The following LTBR variants were observed in gnomAD, a reference collection of about 807,000 sequenced individuals.
The protein encoded by LTBR is tumor necrosis factor receptor superfamily member 3.
In LTBR, 15 loss-of-function variants were observed where a neutral mutation model predicts 45.4. The ratio of observed to expected loss-of-function variants is 0.33; its 90% CI spans 0.22 to 0.51. LTBR has a LOEUF of 0.51. Ranked by LOEUF, LTBR falls within the 20% of genes least tolerant of loss-of-function variation. The pLI, the probability that LTBR is intolerant of heterozygous loss-of-function variation, is 0.97. For synonymous variants in LTBR, 228 were observed against 231.0 expected, an observed-to-expected ratio of 0.99 and a Z score of 0.12; for missense variants, 450 against 565.5, an observed-to-expected ratio of 0.80 and a Z score of 2.07.
At position 6,386,399 on chromosome 12, in the gene LTBR, A is replaced by G; in HGVS notation, c.622A>G (p.Thr208Ala). 6.2e-7 allele frequency: 1 copy of G among 1,613,914 alleles called. No homozygotes were observed. Among genetic ancestry groups the G allele is most frequent in the Non-Finnish European group, 8.5e-7 (1 of 1,179,968 alleles). Residue 208 changes from threonine to alanine, a missense_variant, in exon 6 of 10, where the codon ACA (threonine) becomes GCA (alanine). Thr to Ala is a moderately conservative substitution (Grantham distance 58). This residue lies in a region of LTBR where 367 missense variants were observed against 435.4 expected (regional missense o/e 0.84). Transcript: ENST00000228918. The surrounding 1 kb of genome is among the most constrained non-coding windows in gnomAD (Gnocchi z 4.1). ...EAAPGTAQSD[T>A]TCKNPLEPLP... ...AGCTCCAGGCACTGCCCAGTCCGAC[A>G]CAACCTGCAAAAATCCATTAGAGCC...
At chr12:6,390,054 A>T in intron 8 of LTBR, 58 bp from the exon 9 acceptor site, 1 of 1,029,404 alleles carries the variant, frequency 9.7e-7, no homozygotes, top group Non-Finnish European at 1.5e-6. Context: ...AGGGAGGGAG[A>T]GAGAAAAAAG....
chr12:6,389,194 A>G (rs1949082626), intron 8 of LTBR: 1 of 199,240 alleles, frequency 5.0e-6, no homozygotes, highest in African/African-American at 2.3e-5. Context: ...TTGAGCGGAG[A>G]GCTGAAGAAG....
At chr12:6,383,634 G>C (rs1490343695), upstream of LTBR, among the ~76,000 whole-genome samples, 1 of 152,156 alleles carries the variant, frequency 6.6e-6, no homozygotes, top group Non-Finnish European at 1.5e-5. Context: ...ACTCCTGTGC[G>C]GATTGGGCTG....
In LTBR at chr12:6,386,458, G is replaced by A. The variant is rs1481464753; in HGVS notation, c.667+14G>A. ...CAGAGATGTCAGGTGAGGGACCAGG[G>A]CTGAGGGACACGGGGGGGGCGCCTC... On this transcript the variant is annotated intron_variant, in intron 6 of 9. Transcript: ENST00000228918. This position sits in a 1 kb window ranked among gnomAD's most constrained non-coding sequence, Gnocchi z 4.1. The A allele has an allele frequency of 6.5e-7, 1 of 1,542,096 alleles. No homozygotes were observed. Among genetic ancestry groups the A allele is most frequent in the Non-Finnish European group, 8.7e-7 (1 of 1,149,728 alleles).
Position 6,390,710 on chromosome 12 carries a change from A to G in LTBR, c.1081A>G (p.Ile361Val), listed in dbSNP as rs1209840478. Residue 361 changes from isoleucine (I) to valine (V), a missense_variant, in exon 10 of 10, where the codon ATC (isoleucine) becomes GTC (valine). This residue lies in a region of LTBR where 12 missense variants were observed against 39.7 expected (regional missense o/e 0.30). Transcript: ENST00000228918. ...TGGSMTITGN[I>V]YIYNGPVLGG... ...CGGGTCTATGACTATCACTGGCAAC[A>G]TCTACATCTACAATGGACCAGTACT... is the stretch of plus-strand genomic sequence containing the variant. 1 of 1,500,110 alleles carries G rather than the reference A, an allele frequency of 6.7e-7. No individual in the cohort carries two copies. The highest frequency in any genetic ancestry group is 8.9e-7 in the Non-Finnish European group (1 of 1,124,864). 92.9% of individuals were successfully genotyped at this position (1,500,110 alleles called of 1,614,324 possible). A position where few individuals can be genotyped will look rare whatever the true frequency, so the allele number is the denominator to read the frequency against.
rs1949078111 is a variant in LTBR at position 6,388,811 on chromosome 12, A to G, written c.787A>G (p.Lys263Glu). The change falls in exon 8 of 10, where the codon AAG (lysine) becomes GAG (glutamate). Residue 263 changes from lysine to glutamate, a missense_variant. By Grantham distance (56) the Lys-to-Glu change is moderately conservative. Transcript: ENST00000228918. This position sits in a 1 kb window ranked among gnomAD's most constrained non-coding sequence, Gnocchi z 4.3. Reference protein sequence around the residue: ...SLCRKLGSLLKRRPQGEGPNP... With the variant: ...SLCRKLGSLLERRPQGEGPNP... Reference sequence around the variant, plus strand: ...ATTCTCCATTGCAGGATCGCTGCTCAAGAGGCGTCCGCAGGTAATGGCGGG... The same window carrying G: ...ATTCTCCATTGCAGGATCGCTGCTCGAGAGGCGTCCGCAGGTAATGGCGGG... 6.2e-7 allele frequency: 1 copy of G among 1,614,028 alleles called. No individual in the cohort carries two copies. The highest frequency in any genetic ancestry group is 8.5e-7 in the Non-Finnish European group (1 of 1,180,006).
Position 6,386,001 on chromosome 12 carries a change from C to G in LTBR, c.473-65C>G, listed in dbSNP as rs1281115625. ...CATCCTGAGGCTTAAAGGAAACTCA[C>G]AGGCCGGCAAAGGGCCCCTCCCTTT... On this transcript the variant is annotated intron_variant, in intron 4 of 9. Transcript: ENST00000228918. This position sits in a 1 kb window ranked among gnomAD's most constrained non-coding sequence, Gnocchi z 4.1. 2 of 1,137,366 alleles carry G rather than the reference C, an allele frequency of 1.8e-6. No homozygotes were observed. The highest frequency in any genetic ancestry group is 2.7e-6 in the Non-Finnish European group (2 of 749,302). The allele number at this position is 1,137,366 out of a possible 1,614,324, so 70.5% of individuals were successfully genotyped here. A position where few individuals can be genotyped will look rare whatever the true frequency, so the allele number is the denominator to read the frequency against.
chr12:6,390,808 C>A lies in LTBR; in HGVS notation c.1179C>A (p.Asp393Glu), dbSNP rs746604899. Reference sequence around the variant, plus strand: ...CATACCCCATTCCCGAAGAGGGGGACCCTGGCCCTCCCGGGCTCTCTACAC... The same window carrying A: ...CATACCCCATTCCCGAAGAGGGGGAACCTGGCCCTCCCGGGCTCTCTACAC... ...EPPYPIPEEG[D>E]PGPPGLSTPH... Residue 393 changes from aspartate to glutamate, a missense_variant, in exon 10 of 10, where the codon GAC (aspartate) becomes GAA (glutamate). Physicochemically the swap from Asp to Glu is conservative, Grantham distance 45. Around this residue, in one of 3 missense-constraint regions of LTBR, gnomAD observed 71 missense variants for 90.4 expected, o/e 0.79. Transcript: ENST00000228918. 6.2e-7 allele frequency: 1 copy of A among 1,611,288 alleles called. No homozygotes were observed. Among genetic ancestry groups the A allele is most frequent in the Admixed American group, 1.7e-5 (1 of 59,892 alleles).
At chr12:6,379,946 A>C (rs893982953), upstream of LTBR, among the ~76,000 whole-genome samples, 100 of 141,582 alleles carry the variant, frequency 7.1e-4, 1 homozygote, top group Middle Eastern at 0.011. Flanking sequence ...AAAAAAAAAA[A>C]ACAAAAAAAA....
chr12:6,375,605 C>T lies in LTBR; in HGVS notation c.39+11C>T, dbSNP rs72645137. On this transcript the variant is annotated intron_variant, in intron 1 of 9. Transcript: ENST00000539925. ...GCATCTCAATTAAAGGTGAGCAGGG[C>T]GGGGGGAGGGGCTGAGGAGGAGTCA... The T allele has an allele frequency of 2.8e-3, 4,151 of 1,473,904 alleles. 95 individuals carry two copies. In the African/African-American group the frequency reaches 0.047, roughly 17 times the overall value. 91.3% of individuals were successfully genotyped at this position (1,473,904 alleles called of 1,614,324 possible). A position where few individuals can be genotyped will look rare whatever the true frequency, so the allele number is the denominator to read the frequency against.
At chr12:6,375,228 T>C, upstream of LTBR, 1 of 1,441,520 alleles carries the variant, frequency 6.9e-7, no homozygotes, top group Non-Finnish European at 9.0e-7. Context: ...TCTGTTTCTC[T>C]TTGGGTCTCT....
intron 1 of LTBR, 59 bp downstream of exon 1, chr12:6,384,513 T>C (rs1949016020): frequency 1.3e-6 from 2 of 1,599,556 alleles, no homozygotes; most frequent in Non-Finnish European, 1.7e-6. Context: ...TGGGCAGCCG[T>C]CGCTCCATTC....
chr12:6,377,338 G>A, intron 1 of LTBR: 1 of 1,361,014 alleles, frequency 7.3e-7, no homozygotes, highest in Non-Finnish European at 1.0e-6. Flanking sequence ...CCTTCCCAAG[G>A]ATAAATCAGT....
intron 9 of LTBR, 92 bp from the exon 10 acceptor site, chr12:6,390,568 A>C (rs557508188): frequency 1.5e-6 from 2 of 1,322,136 alleles, no homozygotes; most frequent in African/African-American, 1.5e-5. Context: ...GGGCGGGGCC[A>C]GGGGAAAGGC....
At chr12:6,390,627 T>G in intron 9 of LTBR, 33 bp from the exon 10 acceptor site, 2 of 1,497,104 alleles carry the variant, frequency 1.3e-6, no homozygotes, top group Non-Finnish European at 1.8e-6. Flanking sequence ...CTGGGGGCCT[T>G]CCTTCCTCAA....
Position 6,384,524 on chromosome 12 carries a change from C to A in LTBR, c.97-64C>A, listed in dbSNP as rs1592097696. 3 of 1,606,112 alleles carry A rather than the reference C, an allele frequency of 1.9e-6. No individual in the cohort carries two copies. The East Asian group carries it at 6.7e-5, about 36-fold the overall frequency. Reference sequence around the variant, plus strand: ...GATCTGGGCAGCCGTCGCTCCATTCCCTCTGCCCTCCCAAGCTGACCCCTG... The same window carrying A: ...GATCTGGGCAGCCGTCGCTCCATTCACTCTGCCCTCCCAAGCTGACCCCTG... On this transcript the variant is annotated intron_variant, in intron 1 of 9. Coordinates refer to ENST00000228918, the MANE Select transcript of LTBR (RefSeq NM_002342.3).
upstream of LTBR, among the ~76,000 whole-genome samples, chr12:6,382,979 T>A (rs142000049): frequency 6.6e-6 from 1 of 152,292 alleles, no homozygotes; most frequent in Non-Finnish European, 1.5e-5. Context: ...GATGTGGCCA[T>A]CACTCATTTA....
chr12:6,390,246 A>G lies in LTBR; in HGVS notation c.936A>G (p.Pro312=), dbSNP rs1592102677. 2 of 1,614,062 alleles carry G rather than the reference A, an allele frequency of 1.2e-6. No individual in the cohort carries two copies. The highest frequency in any genetic ancestry group is 1.7e-6 in the Non-Finnish European group (2 of 1,179,994). ...TATCCACTGGGCTCCCCGCAGCCCC[A>G]GTTTTGGAGGCAGGGGTGCCGCAAC... ...SPVSTGLPAA[P]VLEAGVPQQQ... is the part of the protein sequence containing the mutation. Residue 312 remains proline, a synonymous_variant, in exon 9 of 10, where the codon CCA becomes CCG. Coordinates refer to ENST00000228918, the MANE Select transcript of LTBR (RefSeq NM_002342.3).
chr12:6,377,375 A>G, intron 1 of LTBR: 1 of 958,318 alleles, frequency 1.0e-6, no homozygotes, highest in South Asian at 1.5e-5. Flanking sequence ...ACAAAATAGG[A>G]GCAGAGCTAT....
Sources: allele counts gnomAD v4.1 joint callset (sites outside exome capture counted in the v4.1 genomes callset), GRCh38; gene constraint gnomAD v4.1.1; regional missense constraint gnomAD v4.1.1; non-coding constraint Gnocchi (gnomAD v3.1); transcripts MANE v1.5; gene names NCBI Gene and HGNC (gene_info 2026-07-23, HGNC 2026-07-21).